Variants in FLNB observed in about 807,000 individuals in gnomAD.
The protein encoded by FLNB is filamin-B.
FLNB carries 111 observed loss-of-function variants against 250.6 expected under a neutral mutation model. The ratio of observed to expected loss-of-function variants is 0.44; its 90% CI spans 0.38 to 0.52. The LOEUF (loss-of-function observed/expected upper bound fraction) is 0.52, where lower values mean the gene tolerates loss of function less well. Ranked by LOEUF, FLNB falls within the 20% of genes least tolerant of loss-of-function variation. The pLI is 0.00. For synonymous variants in FLNB, 1,302 were observed against 1,372.1 expected (o/e 0.95, Z 1.13); for missense variants, 2,869 against 3,447.8 (o/e 0.83, Z 4.20).
intron 1 of FLNB, among the ~76,000 whole-genome samples, chr3:58,057,061 C>T (rs938210223): frequency 6.6e-6 from 1 of 152,144 alleles, no homozygotes; most frequent in Non-Finnish European, 1.5e-5. Flanking sequence ...CTCACTGCAG[C>T]CTTGACCTCC....
chr3:58,073,419 T>C (rs905868842), intron 1 of FLNB, among the ~76,000 whole-genome samples: 2 of 152,094 alleles, frequency 1.3e-5, no homozygotes, highest in East Asian at 3.8e-4. Flanking sequence ...GATAACCAAG[T>C]TCCGTGCAGG....
intron 38 of FLNB, among the ~76,000 whole-genome samples, chr3:58,152,115 T>C (rs1277000833): frequency 3.3e-5 from 5 of 152,228 alleles, no homozygotes; most frequent in Admixed American, 3.3e-4. Flanking sequence ...CCCTTTCTCT[T>C]AAGTCTCTTC....
At chr3:58,109,425 C>T (rs919075340) in intron 14 of FLNB, 103 bp downstream of exon 14, 10 of 1,584,902 alleles carry the variant, frequency 6.3e-6, no homozygotes, top group Non-Finnish European at 7.8e-6. Flanking sequence ...TGGAAGGAAC[C>T]CATCCCTGGT....
rs370251627 is a variant in FLNB at position 58,131,931 on chromosome 3, C to T, written c.4391-877C>T. 78 of 1,536,158 alleles carry T rather than the reference C, an allele frequency of 5.1e-5. No individual in the cohort carries two copies. The highest frequency in any genetic ancestry group is 2.6e-4 in the Admixed American group (13 of 50,970). On this transcript the variant is annotated intron_variant, in intron 25 of 45. Coordinates refer to ENST00000295956, the MANE Select transcript of FLNB (RefSeq NM_001457.4). ...GTAACAGCCTTTTGATTTTAGCTGA[C>T]GACACGGATTCCCAGTCATGGCGCA...
intron 1 of FLNB, among the ~76,000 whole-genome samples, chr3:58,076,637 T>G (rs561465922): frequency 3.3e-5 from 5 of 151,600 alleles, no homozygotes; most frequent in African/African-American, 9.7e-5. Flanking sequence ...TTTTTTTTTT[T>G]GGGTAGAGAG....
chr3:58,139,619 A>G lies in FLNB; in HGVS notation c.5109+1090A>G, dbSNP rs150169700. Among the ~76,000 whole-genome samples the G allele has an allele frequency of 3.2e-3, 489 of 152,374 alleles. 5 individuals carry two copies. Among genetic ancestry groups the G allele is most frequent in the African/African-American group, 0.011 (460 of 41,594 alleles). ...AGGCTCTTTTATGTCTCAAGTATGT[A>G]AATGTAAACACTTGTCAACTTTTGA... On this transcript the variant is annotated intron_variant, in intron 29 of 45. Transcript: ENST00000295956.
chr3:58,170,557 C>T lies in FLNB; in HGVS notation c.7622-18C>T. On this transcript the variant is annotated intron_variant, in intron 45 of 45. Coordinates refer to ENST00000295956, the MANE Select transcript of FLNB (RefSeq NM_001457.4). ...GTCCTGATGCATCCGGGTGGAGTAA[C>T]CACCTTTTGCCTCCTAGGCTCCAAC... 6.2e-7 allele frequency: 1 copy of T among 1,613,660 alleles called. No individual in the cohort carries two copies. Among genetic ancestry groups the T allele is most frequent in the Non-Finnish European group, 8.5e-7 (1 of 1,179,712 alleles).
intron 18 of FLNB, 21 bp from the exon 19 acceptor site, chr3:58,118,849 CTG>C (rs1477047992): frequency 6.3e-7 from 1 of 1,589,944 alleles, no homozygotes; most frequent in Admixed American, 1.7e-5. Flanking sequence ...CAAAGGTAAA[CTG>C]AGTTTTCTCT....
intron 38 of FLNB, 79 bp downstream of exon 38, chr3:58,150,306 T>C: frequency 6.5e-7 from 1 of 1,540,184 alleles, no homozygotes; most frequent in East Asian, 2.2e-5. Context: ...GAACCAAGTT[T>C]AGGCATGGCC....
rs537911509 is a variant in FLNB at position 58,084,574 on chromosome 3, A to G, written c.787+2798A>G. The stretch of plus-strand genomic sequence containing the variant: ...CCCTTTTAAAAAAAAATTTTTTTTT[A>G]TATGTGTGCTTTTTGCATTTTTTTA... On this transcript the variant is annotated intron_variant, in intron 4 of 45. Coordinates refer to ENST00000295956, the MANE Select transcript of FLNB (RefSeq NM_001457.4). 4.2e-5 allele frequency among the ~76,000 whole-genome samples: 6 copies of G among 143,948 alleles called. No homozygotes were observed. In the East Asian group the frequency reaches 9.0e-4, roughly 22 times the overall value. The allele number at this position is 143,948 out of a possible 152,430, so 94.4% of individuals were successfully genotyped here. A position where few individuals can be genotyped will look rare whatever the true frequency, so the allele number is the denominator to read the frequency against.
At chr3:58,010,149 C>T (rs2097096433) in intron 1 of FLNB, among the ~76,000 whole-genome samples, 1 of 151,896 alleles carries the variant, frequency 6.6e-6, no homozygotes, top group African/African-American at 2.4e-5. Context: ...TGGGTTGGGG[C>T]AGAGGAGGGT....
rs1481548213 is a variant in FLNB at position 58,008,665 on chromosome 3, A to G, written c.101A>G (p.Asn34Ser). ...RWCNEHLKCV[N>S]KRIGNLQTDL... Reference sequence around the variant, plus strand: ...TGCAACGAGCACCTCAAGTGCGTGAACAAACGCATCGGCAACCTGCAGACC... The same window carrying G: ...TGCAACGAGCACCTCAAGTGCGTGAGCAAACGCATCGGCAACCTGCAGACC... Residue 34 changes from asparagine to serine, a missense_variant, in exon 1 of 46, where the codon AAC becomes AGC. Transcript: ENST00000295956. 5.0e-6 allele frequency: 8 copies of G among 1,614,170 alleles called. No homozygotes were observed. Among genetic ancestry groups the G allele is most frequent in the African/African-American group, 1.3e-5 (1 of 75,070 alleles).
chr3:58,099,630 G>A (rs1411863912), intron 8 of FLNB, among the ~76,000 whole-genome samples: 4 of 151,906 alleles, frequency 2.6e-5, no homozygotes, highest in Admixed American at 6.6e-5. Flanking sequence ...CTGAATCTGC[G>A]TCTGCAGACG....
chr3:58,047,528 G>T (rs976206059), intron 1 of FLNB, among the ~76,000 whole-genome samples: 16 of 151,502 alleles, frequency 1.1e-4, no homozygotes, highest in African/African-American at 3.6e-4. Flanking sequence ...TGCCATATTT[G>T]CTTGCTCTAT....
intron 1 of FLNB, among the ~76,000 whole-genome samples, chr3:58,068,859 A>G (rs2097189906): frequency 1.3e-5 from 2 of 152,172 alleles, no homozygotes; most frequent in African/African-American, 2.4e-5. Flanking sequence ...TAGAAGAGGC[A>G]TTAGAGGGAG....
intron 18 of FLNB, among the ~76,000 whole-genome samples, chr3:58,116,994 G>C (rs1264565727): frequency 6.6e-6 from 1 of 152,180 alleles, no homozygotes; most frequent in Non-Finnish European, 1.5e-5. Flanking sequence ...CCCTAAAAGG[G>C]ATGGTGCTGA....
chr3:58,149,984 G>A lies in FLNB; in HGVS notation c.6226G>A (p.Ala2076Thr), dbSNP rs141559684. ...GGTTTATATCGTCTCCACCAAATTC[G>A]CTGACGAGCACGTGCCTGGTATGTG... ...PGVYIVSTKF[A>T]DEHVPGSPFT... is the part of the protein sequence containing the mutation. Residue 2076 changes from alanine to threonine, a missense_variant, in exon 37 of 46, where the codon GCT (alanine) becomes ACT (threonine). This residue lies in a region of FLNB where 1,084 missense variants were observed against 1,315.5 expected (regional missense o/e 0.82). Coordinates refer to ENST00000295956, the MANE Select transcript of FLNB (RefSeq NM_001457.4). The A allele has an allele frequency of 1.0e-4, 168 of 1,614,238 alleles. No homozygotes were observed. The East Asian group carries it at 3.6e-3, about 34-fold the overall frequency.
intron 29 of FLNB, among the ~76,000 whole-genome samples, chr3:58,138,793 A>G (rs1057127207): frequency 1.2e-4 from 19 of 152,364 alleles, no homozygotes; most frequent in African/African-American, 4.6e-4. Flanking sequence ...GCCTAAGCCC[A>G]GGCATTTTGA....
chr3:58,122,235 G>A (rs952895742), intron 20 of FLNB, among the ~76,000 whole-genome samples: 35 of 151,024 alleles, frequency 2.3e-4, no homozygotes, highest in Admixed American at 9.3e-4. Flanking sequence ...GCTCACGCCT[G>A]TAATCACTGC....
Sources: allele counts gnomAD v4.1 joint callset (sites outside exome capture counted in the v4.1 genomes callset), GRCh38; gene constraint gnomAD v4.1.1; regional missense constraint gnomAD v4.1.1; transcripts MANE v1.5; gene names NCBI Gene and HGNC (gene_info 2026-07-23, HGNC 2026-07-21).